Variants in LGI3 observed in about 807,000 individuals in gnomAD.
LGI3 encodes leucine rich repeat LGI family member 3.
Under a neutral mutation model 55.4 loss-of-function variants are expected in LGI3, and 47 were observed. The observed-to-expected ratio is 0.85, with a 90% CI of 0.67 to 1.08. The LOEUF is 1.08. Ranked by LOEUF, LGI3 falls within the 50% of genes least tolerant of loss-of-function variation. The probability of loss-of-function intolerance (pLI) is 0.00; values close to 1 mark genes in which losing one functional copy is unlikely to be tolerated. For synonymous variants in LGI3, 326 were observed against 315.0 expected (o/e 1.04, Z -0.37); for missense variants, 664 against 726.3 (o/e 0.91, Z 0.99).
chr8:22,156,283 T>G, intron 1 of LGI3, 54 bp downstream of exon 1: 1 of 1,581,370 alleles, frequency 6.3e-7, no homozygotes, highest in South Asian at 1.1e-5. Context: ...CTCCCAGAGC[T>G]GTCCTCGGCC....
In LGI3 at chr8:22,156,351, C is replaced by G; in HGVS notation, c.192G>C (p.Ser64=). 1 of 1,609,116 alleles carries G rather than the reference C, an allele frequency of 6.2e-7. No homozygotes were observed. Among genetic ancestry groups the G allele is most frequent in the Non-Finnish European group, 8.5e-7 (1 of 1,178,484 alleles). ...DSKAVPRNLP[S]EVISLTLVNA... ...TGGACACTCACAGGGAGATGACCTC[C>G]GAGGGCAGGTTCCTGGGCACCGCCT... Residue 64 remains serine (S), a synonymous_variant, in exon 1 of 8, where the codon TCG becomes TCC. Coordinates refer to ENST00000306317, the MANE Select transcript of LGI3 (RefSeq NM_139278.4).
At chr8:22,154,276 C>A (rs1025082801) in intron 3 of LGI3, 63 bp from the exon 4 acceptor site, 19 of 1,319,466 alleles carry the variant, frequency 1.4e-5, no homozygotes, top group Non-Finnish European at 2.1e-5. Context: ...GCAGCACTCG[C>A]CCTACGCCCC....
At chr8:22,154,363 A>C (rs564348807) in intron 3 of LGI3, 150 bp from the exon 4 acceptor site, 2 of 796,726 alleles carry the variant, frequency 2.5e-6, no homozygotes, top group Non-Finnish European at 4.3e-6. Context: ...GAGATAGAGC[A>C]TCAGGTAGGG....
rs768002391 is a variant in LGI3, at chr8:22,151,672, G to A, written c.665-19C>T. On this transcript the variant is annotated intron_variant, in intron 6 of 7. Transcript: ENST00000306317. ...ACAAAATCTGCAAGATGAGAGGTGC[G>A]TTACTGAAGACCAGAGGGAGAAGGG... 19 of 1,611,842 alleles carry A rather than the reference G, an allele frequency of 1.2e-5. No individual in the cohort carries two copies. Among genetic ancestry groups the A allele is most frequent in the Middle Eastern group, 1.7e-4 (1 of 6,054 alleles).
chr8:22,151,699 AGGGCTGCTTG>A, intron 6 of LGI3, 46 bp from the exon 7 acceptor site: 1 of 1,600,376 alleles, frequency 6.2e-7, no homozygotes, highest in Non-Finnish European at 8.5e-7. Context: ...GGAGAAGGGA[AGGGCTGCTTG>A]GGTGATGGTG....
chr8:22,154,319 G>T, intron 3 of LGI3, 106 bp from the exon 4 acceptor site: 2 of 989,574 alleles, frequency 2.0e-6, no homozygotes, highest in East Asian at 2.4e-5. Flanking sequence ...CCCGAGACAG[G>T]TTTCCAAATG....
intron 1 of LGI3, among the ~76,000 whole-genome samples, chr8:22,156,042 A>G: frequency 6.6e-6 from 1 of 152,188 alleles, no homozygotes; most frequent in Non-Finnish European, 1.5e-5. Flanking sequence ...TGCTCGTGTA[A>G]GCAACCCCCC....
In LGI3 at chr8:22,147,095, C is replaced by G. The variant is rs1298917957; in HGVS notation, c.*1065G>C. ...CCAGGGCTGCAACACGCCCTCAGGC[C>G]AAGCTCCACTCTGGGCACCCTCGCA... is the stretch of plus-strand genomic sequence containing the variant. On this transcript the variant is annotated 3_prime_UTR_variant, in exon 8 of 8. Transcript: ENST00000306317. 1 of 152,308 alleles carries G rather than the reference C, an allele frequency of 6.6e-6. No homozygotes were observed. Among genetic ancestry groups the G allele is most frequent in the Non-Finnish European group, 1.5e-5 (1 of 68,114 alleles). The allele number at this position is 152,308 out of a possible 1,614,324, so 9.4% of individuals were successfully genotyped here.
At chr8:22,150,758 T>G (rs569668247) in intron 7 of LGI3, among the ~76,000 whole-genome samples, 2 of 152,144 alleles carry the variant, frequency 1.3e-5, no homozygotes, top group African/African-American at 4.8e-5. Context: ...ATCCCCCTAC[T>G]GTTCTGCCCT....
chr8:22,151,446 T>C, intron 7 of LGI3, 43 bp downstream of exon 7: 1 of 1,587,894 alleles, frequency 6.3e-7, no homozygotes, highest in Non-Finnish European at 8.6e-7. Flanking sequence ...CACTCCCCCC[T>C]CCCCCTAGCA....
chr8:22,149,008 G>C, intron 7 of LGI3, 31 bp from the exon 8 acceptor site: 1 of 1,528,380 alleles, frequency 6.5e-7, no homozygotes, highest in African/African-American at 1.4e-5. Flanking sequence ...ACAGCATCAG[G>C]CAGGCCGGCG....
chr8:22,151,738 C>T (rs1033810281), intron 6 of LGI3, 85 bp from the exon 7 acceptor site: 3 of 1,574,118 alleles, frequency 1.9e-6, no homozygotes, highest in Non-Finnish European at 2.6e-6. Context: ...ACTGCTGCCG[C>T]TGGGTGTTGT....
intron 2 of LGI3, chr8:22,154,924 C>G (rs1248078693): frequency 2.1e-6 from 1 of 484,866 alleles, no homozygotes; most frequent in Non-Finnish European, 3.8e-6. Context: ...CTCCCCCACC[C>G]TCATTCTGTC....
intron 5 of LGI3, among the ~76,000 whole-genome samples, chr8:22,153,707 T>C (rs1405968769): frequency 1.2e-4 from 16 of 132,508 alleles, no homozygotes; most frequent in Admixed American, 1.1e-3. Flanking sequence ...ACTCCGTCTA[T>C]AATTAAAAAA....
At chr8:22,151,075 C>A (rs563677675) in intron 7 of LGI3, among the ~76,000 whole-genome samples, 1 of 152,292 alleles carries the variant, frequency 6.6e-6, no homozygotes, top group Non-Finnish European at 1.5e-5. Flanking sequence ...AGATCAAACT[C>A]AGTAGATCCA....
chr8:22,156,545 T>G lies in LGI3; in HGVS notation c.-3A>C. On this transcript the variant is annotated 5_prime_UTR_variant, in exon 1 of 8. Transcript: ENST00000306317. ...CCCCTGGCCCGCAGCCCCGCCATGCTGCCCGCGATCTCTCCCTGGGGCCGG... is the reference window on the plus strand; with the variant it reads ...CCCCTGGCCCGCAGCCCCGCCATGCGGCCCGCGATCTCTCCCTGGGGCCGG... 8.1e-7 allele frequency: 1 copy of G among 1,235,254 alleles called. No individual in the cohort carries two copies. Among genetic ancestry groups the G allele is most frequent in the Non-Finnish European group, 1.0e-6 (1 of 957,498 alleles). The allele number at this position is 1,235,254 out of a possible 1,614,324, so 76.5% of individuals were successfully genotyped here.
In LGI3 at chr8:22,148,028, T is replaced by C. The variant is rs912642019; in HGVS notation, c.*132A>G. ...GTCCACGGGGTGCGCCTGTACACAC[T>C]GGGCGTGTGCGGATACAAGGGCATG... On this transcript the variant is annotated 3_prime_UTR_variant, in exon 8 of 8. Coordinates refer to ENST00000306317, the MANE Select transcript of LGI3 (RefSeq NM_139278.4). The surrounding 1 kb of genome is among the most constrained non-coding windows in gnomAD (Gnocchi z 7.0). The C allele has an allele frequency of 5.2e-6, 4 of 763,410 alleles. No individual in the cohort carries two copies. The highest frequency in any genetic ancestry group is 5.2e-5 in the African/African-American group (3 of 57,512). The allele number at this position is 763,410 out of a possible 1,614,324, so 47.3% of individuals were successfully genotyped here.
intron 1 of LGI3, 139 bp from the exon 2 acceptor site, chr8:22,155,602 T>A: frequency 2.8e-6 from 2 of 714,394 alleles, no homozygotes; most frequent in Non-Finnish European, 4.9e-6. Flanking sequence ...CCCCCATCTG[T>A]GTGTCTTTCC....
At chr8:22,155,532 C>G (rs549673491) in intron 1 of LGI3, 69 bp from the exon 2 acceptor site, 3 of 1,292,176 alleles carry the variant, frequency 2.3e-6, no homozygotes, top group Admixed American at 3.4e-5. Flanking sequence ...GAGGTGAACA[C>G]GGAGGGCAGT....
Sources: allele counts gnomAD v4.1 joint callset (sites outside exome capture counted in the v4.1 genomes callset), GRCh38; gene constraint gnomAD v4.1.1; non-coding constraint Gnocchi (gnomAD v3.1); transcripts MANE v1.5; gene names NCBI Gene and HGNC (gene_info 2026-07-23, HGNC 2026-07-21).